The following RNFT2 variants were observed in gnomAD, a reference collection of about 807,000 sequenced individuals.
RNFT2 encodes ring finger protein, transmembrane 2.
RNFT2 carries 36 observed loss-of-function variants against 53.0 expected under a neutral mutation model. The ratio of observed to expected loss-of-function variants is 0.68; its 90% CI spans 0.52 to 0.90. The LOEUF (loss-of-function observed/expected upper bound fraction) is 0.90, where lower values mean the gene tolerates loss of function less well. RNFT2 is among the 40% of genes least tolerant of loss of function. RNFT2 has a pLI of 0.00. For missense variants in RNFT2, 514 were observed against 585.6 expected, an observed-to-expected ratio of 0.88 and a Z score of 1.26; for synonymous variants, 260 against 253.2, an observed-to-expected ratio of 1.03 and a Z score of -0.26.
At chr12:116,809,314 G>A (rs1875246560) in intron 7 of RNFT2, among the ~76,000 whole-genome samples, 1 of 152,192 alleles carries the variant, frequency 6.6e-6, no homozygotes, top group African/African-American at 2.4e-5. Flanking sequence ...GGTGCTGACA[G>A]GAGTTGAGAA....
chr12:116,784,116 G>T (rs534993276), intron 7 of RNFT2, among the ~76,000 whole-genome samples: 1 of 152,210 alleles, frequency 6.6e-6, no homozygotes, highest in Non-Finnish European at 1.5e-5. Context: ...CCCTGAGTCT[G>T]AGCTCTTAAT....
At chr12:116,820,459 C>T (rs1339944794) in intron 7 of RNFT2, among the ~76,000 whole-genome samples, 4 of 152,192 alleles carry the variant, frequency 2.6e-5, no homozygotes, top group African/African-American at 7.2e-5. Flanking sequence ...CGACATGTGA[C>T]CAGTGGTTAC....
In RNFT2 at chr12:116,749,902, C is replaced by T. The variant is rs370708267; in HGVS notation, c.145C>T (p.Leu49=). Residue 49 remains leucine, a synonymous_variant, in exon 4 of 11, where the codon CTG becomes TTG. Coordinates refer to ENST00000257575, the MANE Select transcript of RNFT2 (RefSeq NM_001382266.1). Reference sequence around the variant, plus strand: ...GGATGAAGGTGGCGTCTTTGAGAGTCTGAAGGCAGAGGCAGCCTCCCCACC... The same window carrying T: ...GGATGAAGGTGGCGTCTTTGAGAGTTTGAAGGCAGAGGCAGCCTCCCCACC... ...SVDEGGVFES[L]KAEAASPPAL... 1 of 1,588,302 alleles carries T rather than the reference C, an allele frequency of 6.3e-7. No individual in the cohort carries two copies. The highest frequency in any genetic ancestry group is 1.3e-5 in the African/African-American group (1 of 74,230).
In RNFT2 at chr12:116,841,890, TAAAA is replaced by T. The variant is rs1194688878; in HGVS notation, c.1200+5610_1200+5613del. Among the ~76,000 whole-genome samples, 98 of 24,722 alleles carry T rather than the reference TAAAA, an allele frequency of 4.0e-3. 7 individuals are homozygous for T. Among genetic ancestry groups the T allele is most frequent in the South Asian group, 0.016 (21 of 1,344 alleles). 16.2% of individuals were successfully genotyped at this position (24,722 alleles called of 152,430 possible). ...ATATAAATATATATATAAATATATA[TAAAA>T]ATATATATATATAAATATATATATA... On this transcript the variant is annotated intron_variant, in intron 10 of 10. Transcript: ENST00000257575.
intron 3 of RNFT2, among the ~76,000 whole-genome samples, chr12:116,746,716 C>G (rs1200500000): frequency 3.3e-5 from 5 of 152,180 alleles, no homozygotes; most frequent in Non-Finnish European, 7.3e-5. Flanking sequence ...CTTCATCTCT[C>G]TGAGCCTCAG....
intron 6 of RNFT2, among the ~76,000 whole-genome samples, chr12:116,771,016 C>T (rs535999023): frequency 2.6e-5 from 4 of 152,128 alleles, no homozygotes; most frequent in Non-Finnish European, 5.9e-5. Flanking sequence ...ATTTACGTAT[C>T]ATTTATGAGT....
intron 7 of RNFT2, among the ~76,000 whole-genome samples, chr12:116,831,433 A>G (rs1876641559): frequency 6.6e-6 from 1 of 152,162 alleles, no homozygotes; most frequent in Non-Finnish European, 1.5e-5. Context: ...CTTCACCATA[A>G]AGTTGCTATT....
chr12:116,764,644 C>T (rs144854262), intron 5 of RNFT2, among the ~76,000 whole-genome samples: 5,089 of 152,284 alleles, frequency 0.033, 272 homozygotes, highest in African/African-American at 0.12. Context: ...ATAATCCCAG[C>T]ACTTTGGGAG....
Position 116,741,530 on chromosome 12 carries a change from G to A in RNFT2, c.83+436G>A, listed in dbSNP as rs191431791. On this transcript the variant is annotated intron_variant, in intron 3 of 10. Transcript: ENST00000257575. Reference sequence around the variant, plus strand: ...GGCCATTCTTTTGCTATGTCTTAATGTGGTGAAGGGAAAGGGATCTCTCTG... The same window carrying A: ...GGCCATTCTTTTGCTATGTCTTAATATGGTGAAGGGAAAGGGATCTCTCTG... Among the ~76,000 whole-genome samples, 33 of 152,294 alleles carry A rather than the reference G, an allele frequency of 2.2e-4. No individual in the cohort carries two copies. The East Asian group carries it at 6.0e-3, about 28-fold the overall frequency.
Position 116,853,334 on chromosome 12 carries a change from G to C in RNFT2, c.*3886G>C, listed in dbSNP as rs3088107. The C allele has an allele frequency of 0.021, 8,199 of 397,004 alleles. 123 individuals carry two copies. The highest frequency in any genetic ancestry group is 0.044 in the Middle Eastern group (69 of 1,578). The allele number at this position is 397,004 out of a possible 1,614,324, so 24.6% of individuals were successfully genotyped here. A position where few individuals can be genotyped will look rare whatever the true frequency, so the allele number is the denominator to read the frequency against. On this transcript the variant is annotated 3_prime_UTR_variant, in exon 11 of 11. Coordinates refer to ENST00000257575, the MANE Select transcript of RNFT2 (RefSeq NM_001382266.1). ...GATTCACTGACTCAAGTTCCACGAA[G>C]TCCTTAGAAATGGACCTCTTCATGT...
At chr12:116,784,381 T>G (rs1284208382) in intron 7 of RNFT2, among the ~76,000 whole-genome samples, 3 of 152,210 alleles carry the variant, frequency 2.0e-5, no homozygotes, top group Non-Finnish European at 4.4e-5. Context: ...GTACCAGCTA[T>G]TTCATAGGTC....
intron 10 of RNFT2, among the ~76,000 whole-genome samples, chr12:116,844,554 T>C (rs1877511111): frequency 2.0e-5 from 3 of 152,224 alleles, no homozygotes; most frequent in Admixed American, 6.5e-5. Context: ...TAAATATGTC[T>C]CCGTTTCTAT....
intron 7 of RNFT2, among the ~76,000 whole-genome samples, chr12:116,786,735 T>C (rs981643553): frequency 2.6e-5 from 4 of 152,214 alleles, no homozygotes; most frequent in African/African-American, 7.2e-5. Context: ...CAGAAATTTG[T>C]TCTCTCACAG....
chr12:116,808,944 G>A (rs1181731060), intron 7 of RNFT2, among the ~76,000 whole-genome samples: 3 of 152,122 alleles, frequency 2.0e-5, no homozygotes, highest in African/African-American at 4.8e-5. Flanking sequence ...ACTGTCTGGC[G>A]AGCTGGCCTG....
chr12:116,790,545 G>A (rs1353228872), intron 7 of RNFT2, among the ~76,000 whole-genome samples: 1 of 152,234 alleles, frequency 6.6e-6, no homozygotes, highest in East Asian at 1.9e-4. Flanking sequence ...TGTGGGGCCA[G>A]CCTTTCACAT....
intron 4 of RNFT2, among the ~76,000 whole-genome samples, chr12:116,751,256 G>C (rs957400964): frequency 6.6e-6 from 1 of 151,606 alleles, no homozygotes; most frequent in African/African-American, 2.4e-5. Context: ...ATTTAACATA[G>C]AGCCTGAATT....
chr12:116,800,171 A>G (rs116966306), intron 7 of RNFT2, among the ~76,000 whole-genome samples: 2,917 of 152,240 alleles, frequency 0.019, 51 homozygotes, highest in Middle Eastern at 0.034. Flanking sequence ...CTGCAGAACC[A>G]TGAGCCAAGA....
intron 10 of RNFT2, among the ~76,000 whole-genome samples, chr12:116,837,425 G>T (rs764878579): frequency 5.3e-5 from 8 of 152,122 alleles, no homozygotes; most frequent in Non-Finnish European, 1.2e-4. Context: ...GGTTGGGAAG[G>T]GTTTTTGGAG....
In RNFT2 at chr12:116,763,784, A is replaced by C. The variant is rs567273818; in HGVS notation, c.628-3030A>C. On this transcript the variant is annotated intron_variant, in intron 5 of 10. Transcript: ENST00000257575. Reference sequence around the variant, plus strand: ...ACAGAGCGAGACTCCATCTCAAAAAAAAAAGGGGGCGGGGGGGGAAAGAAC... The same window carrying C: ...ACAGAGCGAGACTCCATCTCAAAAACAAAAGGGGGCGGGGGGGGAAAGAAC... Among the ~76,000 whole-genome samples, 516 of 142,702 alleles carry C rather than the reference A, an allele frequency of 3.6e-3. 2 individuals carry two copies. Among genetic ancestry groups the C allele is most frequent in the African/African-American group, 0.012 (457 of 37,142 alleles). 93.6% of individuals were successfully genotyped at this position (142,702 alleles called of 152,430 possible). A position where few individuals can be genotyped will look rare whatever the true frequency, so the allele number is the denominator to read the frequency against.
Sources: allele counts gnomAD v4.1 joint callset (sites outside exome capture counted in the v4.1 genomes callset), GRCh38; gene constraint gnomAD v4.1.1; transcripts MANE v1.5; gene names NCBI Gene and HGNC (gene_info 2026-07-23, HGNC 2026-07-21).